The following SLCO2A1 variants were observed in gnomAD, a reference collection of about 807,000 sequenced individuals.
SLCO2A1 encodes solute carrier organic anion transporter family member 2A1.
In SLCO2A1, 60 loss-of-function variants were observed where a neutral mutation model predicts 71.7. The ratio of observed to expected loss-of-function variants is 0.84; its 90% CI spans 0.68 to 1.04. The LOEUF (loss-of-function observed/expected upper bound fraction) is 1.04, where lower values mean the gene tolerates loss of function less well. Ranked by LOEUF, SLCO2A1 falls within the 50% of genes least tolerant of loss-of-function variation. The probability of loss-of-function intolerance (pLI) is 0.00; values close to 1 mark genes in which losing one functional copy is unlikely to be tolerated. For synonymous variants in SLCO2A1, 308 were observed against 326.7 expected (o/e 0.94, Z 0.62); for missense variants, 745 against 813.4 (o/e 0.92, Z 1.02).
At position 134,008,052 on chromosome 3, in the gene SLCO2A1, T is replaced by C. The variant is rs557827345; in HGVS notation, c.96+21655A>G. 8.5e-4 allele frequency among the ~76,000 whole-genome samples: 130 copies of C among 152,294 alleles called. 1 individual carries two copies. The highest frequency in any genetic ancestry group is 5.7e-4 in the Non-Finnish European group (39 of 68,016). On this transcript the variant is annotated intron_variant, in intron 1 of 13. Transcript: ENST00000310926. Reference sequence around the variant, plus strand: ...TGCTTATGGTTCATCTTACCCCACCTAACCACAGCCTTTAGAAGGAAGATA... The same window carrying C: ...TGCTTATGGTTCATCTTACCCCACCCAACCACAGCCTTTAGAAGGAAGATA...
chr3:133,981,051 C>A (rs1934576166), intron 1 of SLCO2A1, among the ~76,000 whole-genome samples: 1 of 152,192 alleles, frequency 6.6e-6, no homozygotes, highest in Admixed American at 6.5e-5. Context: ...AATGTCATCC[C>A]ACTCTCTTTT....
chr3:134,004,112 G>A (rs1414205324), intron 1 of SLCO2A1, among the ~76,000 whole-genome samples: 4 of 24,818 alleles, frequency 1.6e-4, no homozygotes, highest in Admixed American at 1.3e-3. Flanking sequence ...GTGTGTGTGT[G>A]TGTGTGTGTG....
chr3:134,007,995 T>C (rs1356699953), intron 1 of SLCO2A1, among the ~76,000 whole-genome samples: 1 of 152,206 alleles, frequency 6.6e-6, no homozygotes, highest in Non-Finnish European at 1.5e-5. Context: ...TGTGAACCTG[T>C]CATGTTGATG....
At chr3:133,966,207 A>G (rs906573493) in intron 3 of SLCO2A1, among the ~76,000 whole-genome samples, 4 of 152,240 alleles carry the variant, frequency 2.6e-5, no homozygotes, top group Admixed American at 1.3e-4. Context: ...TCTATTGGGA[A>G]GGGGAACTTT....
chr3:133,949,165 G>A (rs943634670), intron 6 of SLCO2A1, 194 bp from the exon 7 acceptor site: 1 of 598,106 alleles, frequency 1.7e-6, no homozygotes, highest in African/African-American at 1.9e-5. Flanking sequence ...TGAGCCTGGT[G>A]TTTTGGCCGA....
intron 1 of SLCO2A1, among the ~76,000 whole-genome samples, chr3:134,015,160 C>A (rs570012749): frequency 1.2e-4 from 19 of 152,290 alleles, no homozygotes; most frequent in African/African-American, 4.6e-4. Context: ...CTACATTATT[C>A]ACAATAGCGA....
At chr3:134,019,035 C>G (rs1221574596) in intron 1 of SLCO2A1, among the ~76,000 whole-genome samples, 1 of 152,192 alleles carries the variant, frequency 6.6e-6, no homozygotes, top group African/African-American at 2.4e-5. Context: ...ACTGCTGCTC[C>G]CCTTGGTCAC....
At chr3:133,998,407 C>G (rs1476073854) in intron 1 of SLCO2A1, among the ~76,000 whole-genome samples, 1 of 152,234 alleles carries the variant, frequency 6.6e-6, no homozygotes, top group Non-Finnish European at 1.5e-5. Context: ...CCTGCCTCCC[C>G]CTGCTCCCAC....
chr3:133,966,336 G>A (rs1934166104), intron 3 of SLCO2A1, among the ~76,000 whole-genome samples: 1 of 152,170 alleles, frequency 6.6e-6, no homozygotes, highest in Non-Finnish European at 1.5e-5. Flanking sequence ...TAGTCCCATG[G>A]TGTTCAAACA....
chr3:134,020,072 C>A (rs1240351354), intron 1 of SLCO2A1, among the ~76,000 whole-genome samples: 2 of 152,158 alleles, frequency 1.3e-5, no homozygotes, highest in East Asian at 3.9e-4. Flanking sequence ...TAGAAAAGCA[C>A]TGTGAAAATC....
chr3:134,003,071 G>C (rs933616792), intron 1 of SLCO2A1, among the ~76,000 whole-genome samples: 17 of 152,198 alleles, frequency 1.1e-4, no homozygotes, highest in African/African-American at 3.9e-4. Flanking sequence ...TGAACATTCC[G>C]CTTCCCTCAC....
chr3:133,983,265 C>G (rs1198422086), intron 1 of SLCO2A1, among the ~76,000 whole-genome samples: 1 of 152,152 alleles, frequency 6.6e-6, no homozygotes, highest in Non-Finnish European at 1.5e-5. Context: ...TTACTCATGG[C>G]GAGGCCACAT....
intron 1 of SLCO2A1, among the ~76,000 whole-genome samples, chr3:133,999,638 G>C (rs1935059376): frequency 6.6e-6 from 1 of 152,172 alleles, no homozygotes; most frequent in Non-Finnish European, 1.5e-5. Context: ...AAGATGAGGA[G>C]AGATCCCTGG....
At chr3:133,954,887 T>G in intron 4 of SLCO2A1, 79 bp downstream of exon 4, 1 of 1,178,368 alleles carries the variant, frequency 8.5e-7, no homozygotes, top group East Asian at 2.4e-5. Context: ...GGGACCTCAG[T>G]TTAGTGCCCC....
intron 1 of SLCO2A1, among the ~76,000 whole-genome samples, chr3:133,982,898 C>T (rs1160673095): frequency 6.6e-6 from 1 of 152,180 alleles, no homozygotes; most frequent in Non-Finnish European, 1.5e-5. Flanking sequence ...AAAACCAACA[C>T]TGCTGTTAGC....
intron 3 of SLCO2A1, among the ~76,000 whole-genome samples, chr3:133,964,052 AACT>A (rs1934107537): frequency 6.6e-6 from 1 of 152,240 alleles, no homozygotes; most frequent in African/African-American, 2.4e-5. Context: ...ATTCCAGCTA[AACT>A]AAGCCTCCAT....
At chr3:133,948,141 AC>A (rs1333754638) in intron 8 of SLCO2A1, among the ~76,000 whole-genome samples, 1 of 152,158 alleles carries the variant, frequency 6.6e-6, no homozygotes, top group Non-Finnish European at 1.5e-5. Flanking sequence ...ATATTGTCTA[AC>A]CAAAGCAAAT....
intron 1 of SLCO2A1, among the ~76,000 whole-genome samples, chr3:134,001,540 G>A (rs1450956557): frequency 6.6e-6 from 1 of 152,072 alleles, no homozygotes; most frequent in Non-Finnish European, 1.5e-5. Context: ...TGTCTCCCAA[G>A]GCATTTTCTC....
chr3:133,965,511 G>C (rs1363663344), intron 3 of SLCO2A1, among the ~76,000 whole-genome samples: 1 of 152,238 alleles, frequency 6.6e-6, no homozygotes, highest in Non-Finnish European at 1.5e-5. Context: ...CAGTCCAACG[G>C]CTGATAACTC....
Sources: allele counts gnomAD v4.1 joint callset (sites outside exome capture counted in the v4.1 genomes callset), GRCh38; gene constraint gnomAD v4.1.1; transcripts MANE v1.5; gene names NCBI Gene and HGNC (gene_info 2026-07-23, HGNC 2026-07-21).